Variants in STXBP4 observed in about 807,000 individuals in gnomAD.
The protein encoded by STXBP4 is syntaxin-binding protein 4.
Under a neutral mutation model 76.1 loss-of-function variants are expected in STXBP4, and 55 were observed. That is an observed-to-expected ratio of 0.72 (90% CI 0.58 to 0.91). The LOEUF is 0.91. STXBP4 is among the 40% of genes least tolerant of loss of function. The pLI, the probability that STXBP4 is intolerant of heterozygous loss-of-function variation, is 0.00. For missense variants in STXBP4, 618 were observed against 636.9 expected (o/e 0.97, Z 0.32); for synonymous variants, 201 against 220.2 (o/e 0.91, Z 0.77).
intron 11 of STXBP4, among the ~76,000 whole-genome samples, chr17:55,045,718 G>A (rs550940059): frequency 6.6e-6 from 1 of 151,994 alleles, no homozygotes; most frequent in African/African-American, 2.4e-5. Context: ...AGCTCAGTTG[G>A]TTAGAATATG....
At chr17:55,016,025 C>T (rs1185408181) in intron 8 of STXBP4, among the ~76,000 whole-genome samples, 1 of 147,412 alleles carries the variant, frequency 6.8e-6, no homozygotes, top group Admixed American at 6.8e-5. Flanking sequence ...GTCTGAGGGT[C>T]AAATTGGTCC....
At chr17:55,211,365 G>C in the STXBP4 span, among the ~76,000 whole-genome samples, 2 of 152,080 alleles carry the variant, frequency 1.3e-5, no homozygotes, top group East Asian at 1.9e-4. Flanking sequence ...TCAGCTTCCC[G>C]AGGAGCTAGG....
intron 12 of STXBP4, among the ~76,000 whole-genome samples, chr17:55,050,032 T>TA (rs2078839731): frequency 6.6e-6 from 1 of 151,854 alleles, no homozygotes; most frequent in Non-Finnish European, 1.5e-5. Flanking sequence ...ATAAACTTAA[T>TA]AAAAATGGCA....
In STXBP4 at chr17:55,007,777, G is replaced by A. The variant is rs113188103; in HGVS notation, c.666+180G>A. Among the ~76,000 whole-genome samples, 44 of 152,256 alleles carry A rather than the reference G, an allele frequency of 2.9e-4. 1 individual carries two copies. The highest frequency in any genetic ancestry group is 6.8e-3 in the Middle Eastern group (2 of 294). ...TCACATTTGAATTTGGTAGTTCATG[G>A]TGGTTCACTAGTACAAAATAGAAAT... On this transcript the variant is annotated intron_variant, in intron 8 of 17. Coordinates refer to ENST00000376352, the MANE Select transcript of STXBP4 (RefSeq NM_178509.6).
chr17:55,211,796 G>GTTTTTTTTTTTTTTTT, the STXBP4 span, among the ~76,000 whole-genome samples: 1 of 35,000 alleles, frequency 2.9e-5, no homozygotes, highest in African/African-American at 1.1e-4. Flanking sequence ...CCTGTTTTTT[G>GTTTTTTTTTTTTTTTT]TTGTTTTTTT....
rs1276391174 is a variant in STXBP4 at position 54,990,969 on chromosome 17, T to TC, written c.180+15dup. 1.1e-5 allele frequency: 16 copies of TC among 1,512,268 alleles called. No individual in the cohort carries two copies. Among genetic ancestry groups the TC allele is most frequent in the Non-Finnish European group, 1.4e-5 (16 of 1,136,808 alleles). The allele number at this position is 1,512,268 out of a possible 1,614,324, so 93.7% of individuals were successfully genotyped here. A position where few individuals can be genotyped will look rare whatever the true frequency, so the allele number is the denominator to read the frequency against. ...GAGACTGTTATAAGGTAAAAATATG[T>TC]CCCATGCCCACCAAAAATACAAACA... On this transcript the variant is annotated intron_variant, in intron 4 of 17. Transcript: ENST00000376352.
At chr17:55,147,301 C>T (rs1032824482) in intron 17 of STXBP4, among the ~76,000 whole-genome samples, 1 of 152,196 alleles carries the variant, frequency 6.6e-6, no homozygotes, top group African/African-American at 2.4e-5. Flanking sequence ...ATAAGGAGCA[C>T]GCAACCTCAA....
intron 8 of STXBP4, among the ~76,000 whole-genome samples, chr17:55,008,354 T>C (rs1360031374): frequency 3.9e-5 from 6 of 152,058 alleles, no homozygotes; most frequent in Admixed American, 6.6e-5. Flanking sequence ...ATCTGTTTAT[T>C]CCCATATCCA....
At chr17:55,135,737 A>G (rs776979901) in intron 16 of STXBP4, among the ~76,000 whole-genome samples, 5 of 152,144 alleles carry the variant, frequency 3.3e-5, no homozygotes, top group Non-Finnish European at 5.9e-5. Context: ...GAAGCCTAGA[A>G]ATTATTTCAG....
intron 10 of STXBP4, among the ~76,000 whole-genome samples, chr17:55,039,022 C>T (rs766591942): frequency 6.6e-6 from 1 of 152,066 alleles, no homozygotes; most frequent in Non-Finnish European, 1.5e-5. Flanking sequence ...ACTTCCCTAA[C>T]GAAAACACGA....
intron 1 of STXBP4, among the ~76,000 whole-genome samples, chr17:54,979,390 A>G (rs1051973570): frequency 1.3e-5 from 2 of 152,288 alleles, no homozygotes; most frequent in East Asian, 1.9e-4. Context: ...TTATTGCTCT[A>G]TCAGGAATCT....
chr17:54,973,768 T>C (rs1232973906), intron 1 of STXBP4, among the ~76,000 whole-genome samples: 1 of 152,226 alleles, frequency 6.6e-6, no homozygotes, highest in Non-Finnish European at 1.5e-5. Flanking sequence ...AATCCAACCC[T>C]GTTTTGTAGG....
At chr17:55,199,923 C>T in the STXBP4 span, among the ~76,000 whole-genome samples, 32 of 152,344 alleles carry the variant, frequency 2.1e-4, no homozygotes, top group African/African-American at 7.0e-4. Flanking sequence ...ACCCCAGGGC[C>T]TTGGCGCATG....
At chr17:55,043,560 C>T in intron 11 of STXBP4, 1 of 1,452,548 alleles carries the variant, frequency 6.9e-7, no homozygotes, top group South Asian at 1.3e-5. Context: ...ATGGTTTTTG[C>T]TCATGTCTTC....
At chr17:55,197,700 ACCACTGCACT>A in the STXBP4 span, among the ~76,000 whole-genome samples, 1 of 151,642 alleles carries the variant, frequency 6.6e-6, no homozygotes, top group African/African-American at 2.4e-5. Flanking sequence ...CCGAGATTGC[ACCACTGCACT>A]CTAGCCTGGG....
At chr17:55,124,301 A>T (rs1257735736) in intron 16 of STXBP4, among the ~76,000 whole-genome samples, 1 of 152,210 alleles carries the variant, frequency 6.6e-6, no homozygotes, top group Non-Finnish European at 1.5e-5. Flanking sequence ...CTGCAAATAA[A>T]AGATATGTGT....
intron 12 of STXBP4, among the ~76,000 whole-genome samples, chr17:55,063,139 C>G (rs924079453): frequency 1.3e-5 from 2 of 152,182 alleles, no homozygotes; most frequent in Non-Finnish European, 2.9e-5. Flanking sequence ...GCTGGCATTC[C>G]TGTTTGCGCA....
At chr17:55,110,818 A>G (rs1216801427) in intron 16 of STXBP4, among the ~76,000 whole-genome samples, 1 of 152,210 alleles carries the variant, frequency 6.6e-6, no homozygotes, top group African/African-American at 2.4e-5. Context: ...CATAAATAAT[A>G]TTTTTAAAAG....
intron 12 of STXBP4, among the ~76,000 whole-genome samples, chr17:55,071,676 C>T (rs768653668): frequency 2.1e-4 from 32 of 152,164 alleles, no homozygotes; most frequent in Non-Finnish European, 4.0e-4. Context: ...CAGAACCTGA[C>T]ACATAATAAA....
Sources: allele counts gnomAD v4.1 joint callset (sites outside exome capture counted in the v4.1 genomes callset), GRCh38; gene constraint gnomAD v4.1.1; transcripts MANE v1.5; gene names NCBI Gene and HGNC (gene_info 2026-07-23, HGNC 2026-07-21).